The following ZNF487 variants were observed in gnomAD, a reference collection of about 807,000 sequenced individuals.
ZNF487 encodes the protein zinc finger protein 487, also known as KRAB domain only 1.
A neutral mutation model predicts 3.0 loss-of-function variants in ZNF487; 4 were observed. The ratio of observed to expected loss-of-function variants is 1.35; its 90% confidence interval spans 0.66 to 3.08. The LOEUF is 3.08. ZNF487 is among the 30% of genes most tolerant of loss of function. The pLI is 0.01. For missense variants in ZNF487, 146 were observed against 98.7 expected, an observed-to-expected ratio of 1.48 and a Z score of -2.03; for synonymous variants, 55 against 34.6, an observed-to-expected ratio of 1.59 and a Z score of -2.06.
chr10:43,465,671 G>A (rs1182959938), intron 1 of ZNF487, among the ~76,000 whole-genome samples: 1 of 151,216 alleles, frequency 6.6e-6, no homozygotes, highest in Non-Finnish European at 1.5e-5. Flanking sequence ...AGATGGGATG[G>A]CGGGCGGGCA....
the ZNF487 span, among the ~76,000 whole-genome samples, chr10:43,505,166 T>C: frequency 3.3e-5 from 5 of 152,310 alleles, no homozygotes; most frequent in East Asian, 9.6e-4. Context: ...ATTACAGGCA[T>C]GCACCACCAT....
At chr10:43,489,344 T>C in the ZNF487 span, among the ~76,000 whole-genome samples, 1 of 152,128 alleles carries the variant, frequency 6.6e-6, no homozygotes, top group Non-Finnish European at 1.5e-5. Flanking sequence ...TACACATTTA[T>C]TTATTTATTT....
chr10:43,487,574 G>T (rs1388367850), downstream of ZNF487, among the ~76,000 whole-genome samples: 2 of 150,424 alleles, frequency 1.3e-5, no homozygotes, highest in East Asian at 2.0e-4. Flanking sequence ...CTCAGCCTTC[G>T]GAGTAGCTGG....
intron 1 of ZNF487, among the ~76,000 whole-genome samples, chr10:43,438,919 AAAAAT>A (rs1268522947): frequency 6.6e-6 from 1 of 152,018 alleles, no homozygotes; most frequent in African/African-American, 2.4e-5. Flanking sequence ...TGTTTCCACA[AAAAAT>A]AAAATAAAAT....
In ZNF487 at chr10:43,482,762, T is replaced by G; in HGVS notation, c.*840T>G. On this transcript the variant is annotated 3_prime_UTR_variant, in exon 4 of 4. Transcript: ENST00000437590. Reference sequence around the variant, plus strand: ...AGAGACCCTTTGAATGCAATGAATGTCAAAAATCCTTCTCTGTGAAGTCAA... The same window carrying G: ...AGAGACCCTTTGAATGCAATGAATGGCAAAAATCCTTCTCTGTGAAGTCAA... The G allele has an allele frequency of 2.1e-6, 1 of 471,964 alleles. No homozygotes were observed. The highest frequency in any genetic ancestry group is 4.3e-6 in the Non-Finnish European group (1 of 232,280). The allele number at this position is 471,964 out of a possible 1,614,324, so 29.2% of individuals were successfully genotyped here. A position where few individuals can be genotyped will look rare whatever the true frequency, so the allele number is the denominator to read the frequency against.
At chr10:43,480,092 T>G (rs1305373728) in intron 3 of ZNF487, among the ~76,000 whole-genome samples, 3 of 145,532 alleles carry the variant, frequency 2.1e-5, no homozygotes, top group Admixed American at 1.4e-4. Context: ...TTCTTTCTTT[T>G]CTTTTCTTTT....
intron 1 of ZNF487, among the ~76,000 whole-genome samples, chr10:43,462,944 A>T (rs991696197): frequency 4.0e-5 from 6 of 148,324 alleles, no homozygotes; most frequent in African/African-American, 9.9e-5. Flanking sequence ...TAATTAAAAA[A>T]TTTTTTTTGG....
At chr10:43,487,162 CA>C (rs1841477993), downstream of ZNF487, among the ~76,000 whole-genome samples, 1 of 128,016 alleles carries the variant, frequency 7.8e-6, no homozygotes, top group Admixed American at 9.1e-5. Flanking sequence ...TTTTTTGAAG[CA>C]GAGTCTTGCT....
chr10:43,457,928 AGGCGACT>A (rs1314825941), intron 1 of ZNF487: 4 of 151,846 alleles, frequency 2.6e-5, no homozygotes, highest in Non-Finnish European at 5.9e-5. Context: ...AGGCTGAGGC[AGGCGACT>A]GGCCTGAACC....
At chr10:43,490,658 C>T in the ZNF487 span, among the ~76,000 whole-genome samples, 15 of 147,678 alleles carry the variant, frequency 1.0e-4, no homozygotes, top group South Asian at 1.7e-3. Context: ...TACAGGTGCC[C>T]GCCACCACGC....
chr10:43,449,903 C>T (rs946927657), intron 1 of ZNF487, among the ~76,000 whole-genome samples: 27 of 152,246 alleles, frequency 1.8e-4, no homozygotes, highest in South Asian at 1.5e-3. Context: ...TGGTCTCGAA[C>T]TCCTGACCTC....
the ZNF487 span, among the ~76,000 whole-genome samples, chr10:43,498,114 C>CTTTT: frequency 4.5e-4 from 11 of 24,614 alleles, no homozygotes; most frequent in East Asian, 1.6e-3. Context: ...TTTTTTTTTT[C>CTTTT]TTTTTTTTTT....
In ZNF487 at chr10:43,475,560, T is replaced by C. The variant is rs1841066191; in HGVS notation, c.-93-161T>C. On this transcript the variant is annotated intron_variant, in intron 1 of 3. Coordinates refer to ENST00000437590, the MANE Select transcript of ZNF487 (RefSeq NM_001355444.3). ...TACCGGCAGAGTCCTCATACCAGGATTTCTCATTTTCCTACAATGTATAAT... is the reference window on the plus strand; with the variant it reads ...TACCGGCAGAGTCCTCATACCAGGACTTCTCATTTTCCTACAATGTATAAT... The C allele has an allele frequency of 6.7e-6, 4 of 599,746 alleles. No individual in the cohort carries two copies. In the Middle Eastern group the frequency reaches 1.3e-3, roughly 202 times the overall value. The allele number at this position is 599,746 out of a possible 1,614,324, so 37.2% of individuals were successfully genotyped here.
chr10:43,495,827 T>C, the ZNF487 span, among the ~76,000 whole-genome samples: 1 of 152,330 alleles, frequency 6.6e-6, no homozygotes, highest in Admixed American at 6.5e-5. Context: ...AATAAATTAA[T>C]ACATGGTTAA....
At chr10:43,488,581 TAAC>T in the ZNF487 span, among the ~76,000 whole-genome samples, 1 of 152,118 alleles carries the variant, frequency 6.6e-6, no homozygotes, top group Non-Finnish European at 1.5e-5. Context: ...GTACACCTAA[TAAC>T]AAAATCTTGT....
At chr10:43,446,902 A>C (rs538824992) in intron 1 of ZNF487, among the ~76,000 whole-genome samples, 2 of 152,164 alleles carry the variant, frequency 1.3e-5, no homozygotes, top group African/African-American at 2.4e-5. Flanking sequence ...AGCCTGGGCA[A>C]CATTGAGCAC....
At chr10:43,436,920 C>T (rs1839403857), upstream of ZNF487, 1 of 468,354 alleles carries the variant, frequency 2.1e-6, no homozygotes, top group African/African-American at 2.0e-5. Flanking sequence ...GCCGTGTCTT[C>T]CTGAAGAAGG....
the ZNF487 span, among the ~76,000 whole-genome samples, chr10:43,498,130 T>A: frequency 5.9e-5 from 2 of 33,800 alleles, no homozygotes; most frequent in African/African-American, 2.2e-4. Context: ...TTTTTTTTTT[T>A]TTTTTTTTTT....
intron 1 of ZNF487, among the ~76,000 whole-genome samples, chr10:43,441,620 C>G (rs1313433377): frequency 1.3e-5 from 2 of 151,928 alleles, no homozygotes; most frequent in Middle Eastern, 3.4e-3. Context: ...CAGGGTCTCT[C>G]TGTCACCCAG....
Sources: gnomAD v4.1 joint callset for allele counts (sites outside exome capture counted in the v4.1 genomes callset) on GRCh38, gnomAD v4.1.1 for gene constraint, MANE v1.5 for transcripts, NCBI Gene and HGNC (gene_info 2026-07-23, HGNC 2026-07-21) for gene names.